The following LRRC4C variants were observed in gnomAD, a reference collection of about 807,000 sequenced individuals.
The protein encoded by LRRC4C is leucine-rich repeat-containing protein 4C.
Under a neutral mutation model 33.6 loss-of-function variants are expected in LRRC4C, and 5 were observed. The ratio of observed to expected loss-of-function variants is 0.15; its 90% CI spans 0.08 to 0.31. The LOEUF (loss-of-function observed/expected upper bound fraction) is 0.31, where lower values mean the gene tolerates loss of function less well. LRRC4C is among the 10% of genes least tolerant of loss of function. The pLI is 1.00. For missense variants in LRRC4C, 560 were observed against 796.7 expected, an observed-to-expected ratio of 0.70 and a Z score of 3.58; for synonymous variants, 329 against 302.0, an observed-to-expected ratio of 1.09 and a Z score of -0.93.
At chr11:41,173,655 C>A (rs1323671920) in intron 1 of LRRC4C, among the ~76,000 whole-genome samples, 1 of 152,092 alleles carries the variant, frequency 6.6e-6, no homozygotes, top group Non-Finnish European at 1.5e-5. Context: ...AGACAGAATT[C>A]ATGTCTCTCT....
intron 1 of LRRC4C, among the ~76,000 whole-genome samples, chr11:41,050,628 T>G (rs1858134203): frequency 6.6e-6 from 1 of 152,212 alleles, no homozygotes; most frequent in Admixed American, 6.6e-5. Flanking sequence ...CAACTCACTC[T>G]TTTTTATGGC....
chr11:40,693,309 G>C (rs1173016700), intron 2 of LRRC4C, among the ~76,000 whole-genome samples: 2 of 152,094 alleles, frequency 1.3e-5, no homozygotes, highest in Non-Finnish European at 2.9e-5. Flanking sequence ...AGAGAGAATG[G>C]TAAAATAGTT....
At chr11:40,642,083 G>A (rs1269399131) in intron 3 of LRRC4C, among the ~76,000 whole-genome samples, 1 of 151,134 alleles carries the variant, frequency 6.6e-6, no homozygotes, top group Non-Finnish European at 1.5e-5. Context: ...ATGGGTGGGT[G>A]GGATTGACAT....
At chr11:40,835,573 T>C (rs975565677) in intron 2 of LRRC4C, among the ~76,000 whole-genome samples, 1 of 152,214 alleles carries the variant, frequency 6.6e-6, no homozygotes, top group Non-Finnish European at 1.5e-5. Context: ...TATACATCTA[T>C]TTGTTAGAAA....
intron 2 of LRRC4C, among the ~76,000 whole-genome samples, chr11:40,802,238 C>G (rs1308668285): frequency 6.6e-6 from 1 of 151,888 alleles, no homozygotes; most frequent in Non-Finnish European, 1.5e-5. Context: ...TATATAAGAC[C>G]AAAATTATCT....
intron 1 of LRRC4C, among the ~76,000 whole-genome samples, chr11:41,062,930 TGAGA>T (rs149010920): frequency 4.0e-5 from 6 of 148,370 alleles, no homozygotes; most frequent in African/African-American, 1.2e-4. Flanking sequence ...CCACCAGAAA[TGAGA>T]GAGAGAGAGA....
intron 2 of LRRC4C, among the ~76,000 whole-genome samples, chr11:40,768,223 T>C (rs1383430685): frequency 6.6e-6 from 1 of 151,634 alleles, no homozygotes; most frequent in East Asian, 1.9e-4. Flanking sequence ...CTAGAAAAAA[T>C]GGATAATTTC....
rs760936553 is a variant in LRRC4C at position 41,278,363 on chromosome 11, T to G, written c.-496+181068A>C. 3.7e-4 allele frequency among the ~76,000 whole-genome samples: 57 copies of G among 152,280 alleles called. 1 individual carries two copies. Among genetic ancestry groups the G allele is most frequent in the Non-Finnish European group, 6.5e-4 (44 of 68,022 alleles). On this transcript the variant is annotated intron_variant, in intron 1 of 6. Coordinates refer to ENST00000528697, the MANE Select transcript of LRRC4C (RefSeq NM_001258419.2). ...ACCATATTTTTACCCATCAACATTA[T>G]CACAAAATAACCAAGGACATAGTAT...
chr11:40,736,251 A>G (rs1316381555), intron 2 of LRRC4C, among the ~76,000 whole-genome samples: 1 of 151,722 alleles, frequency 6.6e-6, no homozygotes, highest in Non-Finnish European at 1.5e-5. Flanking sequence ...CTTATAAGTG[A>G]GAACATGCAG....
chr11:40,166,072 G>T (rs1859570528), intron 5 of LRRC4C, among the ~76,000 whole-genome samples: 1 of 152,200 alleles, frequency 6.6e-6, no homozygotes, highest in Non-Finnish European at 1.5e-5. Context: ...CATGCCATAT[G>T]ACCCAGCAAT....
chr11:40,294,770 T>A (rs933380959), intron 4 of LRRC4C, among the ~76,000 whole-genome samples: 2 of 151,948 alleles, frequency 1.3e-5, no homozygotes, highest in Admixed American at 1.3e-4. Context: ...GAGGTTGCAG[T>A]GAGCCGAGAT....
At chr11:41,190,762 A>G (rs181385619) in intron 1 of LRRC4C, among the ~76,000 whole-genome samples, 35 of 152,334 alleles carry the variant, frequency 2.3e-4, no homozygotes, top group Admixed American at 2.0e-3. Flanking sequence ...TTTATTTTCA[A>G]ACATGCTGTA....
intron 1 of LRRC4C, among the ~76,000 whole-genome samples, chr11:41,416,834 C>T (rs1296099785): frequency 6.6e-6 from 1 of 151,948 alleles, no homozygotes; most frequent in African/African-American, 2.4e-5. Context: ...CAAAAGTACT[C>T]GAAAATTCTC....
intron 1 of LRRC4C, among the ~76,000 whole-genome samples, chr11:41,381,549 C>T (rs1171125198): frequency 2.0e-5 from 3 of 150,864 alleles, no homozygotes; most frequent in African/African-American, 7.3e-5. Context: ...ATCATTTGAA[C>T]TGAGAAGGCA....
chr11:40,271,324 C>T (rs1229867925), intron 4 of LRRC4C, among the ~76,000 whole-genome samples: 1 of 152,110 alleles, frequency 6.6e-6, no homozygotes, highest in East Asian at 1.9e-4. Context: ...GACAGCAGAG[C>T]AGCTGCATTT....
intron 2 of LRRC4C, among the ~76,000 whole-genome samples, chr11:40,815,467 A>G (rs1252601972): frequency 1.3e-5 from 2 of 152,160 alleles, no homozygotes; most frequent in Non-Finnish European, 2.9e-5. Flanking sequence ...CATTTGATAG[A>G]TACTCCATTC....
At chr11:40,203,074 T>C (rs1862886701) in intron 5 of LRRC4C, among the ~76,000 whole-genome samples, 1 of 152,186 alleles carries the variant, frequency 6.6e-6, no homozygotes, top group African/African-American at 2.4e-5. Flanking sequence ...TCCTAGCCAC[T>C]GTAATATTTG....
intron 1 of LRRC4C, among the ~76,000 whole-genome samples, chr11:41,108,656 CA>C (rs577207448): frequency 1.4e-3 from 220 of 152,098 alleles, no homozygotes; most frequent in African/African-American, 5.1e-3. Context: ...TTGATGAAAC[CA>C]ATAGTATTTT....
chr11:41,453,345 A>C (rs1039270822), intron 1 of LRRC4C, among the ~76,000 whole-genome samples: 2 of 152,132 alleles, frequency 1.3e-5, no homozygotes, highest in Non-Finnish European at 2.9e-5. Context: ...ATCATGTACT[A>C]TATTAGGGAC....
Sources: allele counts gnomAD v4.1 joint callset (sites outside exome capture counted in the v4.1 genomes callset), GRCh38; gene constraint gnomAD v4.1.1; transcripts MANE v1.5; gene names NCBI Gene and HGNC (gene_info 2026-07-23, HGNC 2026-07-21).